Variants in PKD2 observed in about 807,000 individuals in gnomAD.
PKD2 encodes polycystin-2.
In PKD2, 48 loss-of-function variants were observed where a neutral mutation model predicts 105.9. That is an observed-to-expected ratio of 0.45 (90% CI 0.36 to 0.58). The LOEUF is 0.58. Among genes scored for constraint, PKD2 ranks in the 20% least tolerant of loss-of-function variants. PKD2 has a pLI of 0.00. For synonymous variants in PKD2, 464 were observed against 481.1 expected (o/e 0.96, Z 0.46); for missense variants, 1,078 against 1,255.3 (o/e 0.86, Z 2.13).
chr4:88,043,293 T>C lies in PKD2; in HGVS notation c.1155T>C (p.Thr385=), dbSNP rs1173488704. 2 of 1,613,684 alleles carry C rather than the reference T, an allele frequency of 1.2e-6. No homozygotes were observed. The highest frequency in any genetic ancestry group is 1.7e-6 in the Non-Finnish European group (2 of 1,179,604). ...GTAGCCACTGGGGAATCATTGCAAC[T>C]TATAGTGGAGCTGGCTATTATCTGG... The part of the protein sequence containing the change: ...NGSSHWGIIA[T]YSGAGYYLDL... Residue 385 remains threonine (T), a synonymous_variant, in exon 5 of 15, where the codon ACT becomes ACC. Coordinates refer to ENST00000237596, the MANE Select transcript of PKD2 (RefSeq NM_000297.4).
At chr4:88,028,052 A>G (rs547166498) in intron 2 of PKD2, among the ~76,000 whole-genome samples, 34 of 152,348 alleles carry the variant, frequency 2.2e-4, no homozygotes, top group African/African-American at 7.7e-4. Flanking sequence ...TATCCAAAGA[A>G]GTAATGAAAA....
At chr4:88,035,192 G>A (rs1336660203) in intron 2 of PKD2, among the ~76,000 whole-genome samples, 1 of 152,212 alleles carries the variant, frequency 6.6e-6, no homozygotes, top group Non-Finnish European at 1.5e-5. Context: ...CCAGGAATCA[G>A]ACCCTGATCT....
chr4:88,066,942 C>A (rs1720817373), intron 12 of PKD2, among the ~76,000 whole-genome samples: 1 of 152,156 alleles, frequency 6.6e-6, no homozygotes, highest in African/African-American at 2.4e-5. Context: ...TGACAGACTT[C>A]TCCAGTCACA....
rs757154198 is a variant in PKD2 at position 88,075,688 on chromosome 4, C to T, written c.2901C>T (p.His967=). 33 of 1,603,250 alleles carry T rather than the reference C, an allele frequency of 2.1e-5. No homozygotes were observed. The highest frequency in any genetic ancestry group is 1.3e-4 in the East Asian group (6 of 44,824). The change falls in exon 15 of 15, where the codon CAC becomes CAT. Residue 967 remains histidine, a synonymous_variant. Transcript: ENST00000237596. ...GTGGAAATGGGAGTTCTAATGTCCA[C>T]GTATGATATGTGTGTTTCAGTATGT... ...GAGGNGSSNV[H]V is the part of the protein sequence containing the mutation.
intron 10 of PKD2, among the ~76,000 whole-genome samples, chr4:88,063,134 G>A (rs1161084543): frequency 6.6e-6 from 1 of 152,232 alleles, no homozygotes; most frequent in African/African-American, 2.4e-5. Flanking sequence ...ACTATTTTCA[G>A]TCTGTTACTA....
At chr4:88,064,398 TTTC>T (rs142441641) in intron 10 of PKD2, among the ~76,000 whole-genome samples, 9 of 152,344 alleles carry the variant, frequency 5.9e-5, no homozygotes, top group African/African-American at 9.6e-5. Context: ...CAATATTAGT[TTTC>T]TTCTTTTTTA....
chr4:88,020,288 C>T (rs149044741), intron 2 of PKD2, among the ~76,000 whole-genome samples: 75 of 152,240 alleles, frequency 4.9e-4, no homozygotes, highest in Non-Finnish European at 9.3e-4. Context: ...CTTTTATTGG[C>T]GTATACATGT....
intron 3 of PKD2, 156 bp downstream of exon 3, chr4:88,036,509 T>C: frequency 2.7e-6 from 2 of 749,108 alleles, no homozygotes; most frequent in Non-Finnish European, 3.3e-6. Flanking sequence ...CTGTTCCTAC[T>C]CTCAAAGGGG....
chr4:88,073,954 A>G (rs1314662799), intron 13 of PKD2, among the ~76,000 whole-genome samples: 1 of 152,202 alleles, frequency 6.6e-6, no homozygotes, highest in Non-Finnish European at 1.5e-5. Context: ...TTTAAGTTCA[A>G]AATAATAGAA....
intron 7 of PKD2, among the ~76,000 whole-genome samples, chr4:88,054,661 T>G (rs1281069064): frequency 6.8e-6 from 1 of 146,114 alleles, no homozygotes; most frequent in Non-Finnish European, 1.5e-5. Context: ...TTTTTTTTTT[T>G]TTTTTTTTTT....
At chr4:88,009,655 C>G (rs1340231488) in intron 1 of PKD2, among the ~76,000 whole-genome samples, 3 of 152,168 alleles carry the variant, frequency 2.0e-5, no homozygotes, top group African/African-American at 7.2e-5. Flanking sequence ...GATTCTTATA[C>G]TAGTTAATTT....
Position 88,008,121 on chromosome 4 carries a change from G to T in PKD2, c.388G>T (p.Ala130Ser). 1.3e-6 allele frequency: 2 copies of T among 1,503,352 alleles called. No homozygotes were observed. Among genetic ancestry groups the T allele is most frequent in the East Asian group, 5.4e-5 (2 of 37,264 alleles). 93.1% of individuals were successfully genotyped at this position (1,503,352 alleles called of 1,614,324 possible). Residue 130 changes from alanine to serine, a missense_variant, in exon 1 of 15, where the codon GCC (alanine) becomes TCC (serine). Around this residue, in one of 2 missense-constraint regions of PKD2, gnomAD observed 868 missense variants for 1,067.3 expected, o/e 0.81. Coordinates refer to ENST00000237596, the MANE Select transcript of PKD2 (RefSeq NM_000297.4). Reference protein sequence around the residue: ...PGSRRSAASSAVSSVGARSRG... With the variant: ...PGSRRSAASSSVSSVGARSRG... The stretch of plus-strand genomic sequence containing the variant: ...CAGCCGGAGGTCGGCCGCCTCCTCG[G>T]CCGTGAGCTCCGTGGGCGCGCGGAG...
Position 88,065,495 on chromosome 4 carries a change from G to A in PKD2, c.2240G>A (p.Gly747Glu). The change falls in exon 11 of 15, where the codon GGG (glycine) becomes GAG (glutamate). Residue 747 changes from glycine to glutamate, a missense_variant and splice_region_variant. Around this residue, in one of 2 missense-constraint regions of PKD2, gnomAD observed 868 missense variants for 1,067.3 expected, o/e 0.81. Coordinates refer to ENST00000237596, the MANE Select transcript of PKD2 (RefSeq NM_000297.4). ...GACGAACTTCGACAAGATCTCAAAG[G>A]GTGAGAATCATGCTTCCTGAGGTTC... Reference protein sequence around the residue: ...NFDELRQDLKGKGHTDAEIEA... With the variant: ...NFDELRQDLKEKGHTDAEIEA... The A allele has an allele frequency of 6.2e-7, 1 of 1,613,552 alleles. No homozygotes were observed. The highest frequency in any genetic ancestry group is 1.7e-5 in the Admixed American group (1 of 60,010).
chr4:88,066,749 C>T (rs1312304770), intron 12 of PKD2, among the ~76,000 whole-genome samples: 1 of 148,222 alleles, frequency 6.7e-6, no homozygotes, highest in Non-Finnish European at 1.5e-5. Context: ...CTTTTATAGT[C>T]AGAAAAAAAA....
Position 88,075,561 on chromosome 4 carries a change from T to C in PKD2, c.2774T>C (p.Ile925Thr), listed in dbSNP as rs1443401620. The C allele has an allele frequency of 8.7e-6, 14 of 1,613,996 alleles. No individual in the cohort carries two copies. Among genetic ancestry groups the C allele is most frequent in the Non-Finnish European group, 1.1e-5 (13 of 1,180,006 alleles). The change falls in exon 15 of 15, where the codon ATC (isoleucine) becomes ACC (threonine). Residue 925 changes from isoleucine (I) to threonine (T), a missense_variant. Coordinates refer to ENST00000237596, the MANE Select transcript of PKD2 (RefSeq NM_000297.4). The part of the protein sequence containing the change: ...RWESDDAASQ[I>T]SHGLGTPVGL... ...GAATCCGATGATGCAGCTTCCCAGA[T>C]CAGTCATGGTTTAGGCACGCCAGTG...
chr4:88,022,917 C>CA (rs985065726), intron 2 of PKD2, among the ~76,000 whole-genome samples: 17 of 152,006 alleles, frequency 1.1e-4, no homozygotes, highest in Middle Eastern at 3.4e-3. Flanking sequence ...CCCCTCTCTG[C>CA]AAAAAATACA....
At chr4:88,013,962 G>A (rs1285574843) in intron 1 of PKD2, among the ~76,000 whole-genome samples, 1 of 152,158 alleles carries the variant, frequency 6.6e-6, no homozygotes, top group Non-Finnish European at 1.5e-5. Flanking sequence ...TCAATCTGAA[G>A]ATGACTCTTG....
intron 1 of PKD2, among the ~76,000 whole-genome samples, chr4:88,016,380 T>C (rs937110317): frequency 1.3e-5 from 2 of 152,200 alleles, no homozygotes; most frequent in Non-Finnish European, 2.9e-5. Flanking sequence ...CCACCACAAC[T>C]AGAACAGCTA....
At chr4:88,041,677 A>T (rs1209200286) in intron 4 of PKD2, among the ~76,000 whole-genome samples, 1 of 152,184 alleles carries the variant, frequency 6.6e-6, no homozygotes, top group African/African-American at 2.4e-5. Flanking sequence ...GCATGTGCCA[A>T]AATTCCCGAC....
Sources: allele counts gnomAD v4.1 joint callset (sites outside exome capture counted in the v4.1 genomes callset), GRCh38; gene constraint gnomAD v4.1.1; regional missense constraint gnomAD v4.1.1; transcripts MANE v1.5; gene names NCBI Gene and HGNC (gene_info 2026-07-23, HGNC 2026-07-21).